OTUD7B: variants seen among roughly 807,000 people sequenced by gnomAD.
OTUD7B encodes OTU domain-containing protein 7B.
OTUD7B carries 34 observed loss-of-function variants against 82.2 expected under a neutral mutation model. The ratio of observed to expected loss-of-function variants is 0.41; its 90% CI spans 0.31 to 0.55. The LOEUF is 0.55. OTUD7B is among the 20% of genes least tolerant of loss of function. OTUD7B has a pLI of 0.20. For missense variants in OTUD7B, 944 were observed against 1,062.1 expected, an observed-to-expected ratio of 0.89 and a Z score of 1.55; for synonymous variants, 398 against 402.7, an observed-to-expected ratio of 0.99 and a Z score of 0.14.
chr1:150,014,056 A>ATGTGTGTG (rs1487824605), upstream of OTUD7B, among the ~76,000 whole-genome samples: 9 of 77,342 alleles, frequency 1.2e-4, no homozygotes, highest in Admixed American at 8.7e-4. Flanking sequence ...GTGTGTATAT[A>ATGTGTGTG]TATGTGTGTG....
At chr1:150,062,012 T>C in the OTUD7B span, among the ~76,000 whole-genome samples, 2 of 152,196 alleles carry the variant, frequency 1.3e-5, no homozygotes, top group Non-Finnish European at 2.9e-5. Context: ...CATATTTCTG[T>C]CTGTACATTC....
At chr1:149,980,899 G>A (rs1328469080) in intron 1 of OTUD7B, among the ~76,000 whole-genome samples, 2 of 151,658 alleles carry the variant, frequency 1.3e-5, no homozygotes, top group Non-Finnish European at 2.9e-5. Context: ...TGTAGTCCCA[G>A]CCACGTGAGT....
At chr1:150,066,381 A>T in the OTUD7B span, among the ~76,000 whole-genome samples, 2 of 152,014 alleles carry the variant, frequency 1.3e-5, no homozygotes, top group Admixed American at 1.3e-4. This position sits in a 1 kb window ranked among gnomAD's most constrained non-coding sequence, Gnocchi z 4.6. Context: ...ACATCTAAAA[A>T]TTAGTAAAAT....
chr1:150,002,914 G>GA (rs1553785209), intron 1 of OTUD7B, among the ~76,000 whole-genome samples: 1 of 152,102 alleles, frequency 6.6e-6, no homozygotes, highest in Non-Finnish European at 1.5e-5. Flanking sequence ...ATCTTTCTAG[G>GA]ATGTGAAACG....
At chr1:150,016,225 GTCA>G in the OTUD7B span, among the ~76,000 whole-genome samples, 1 of 152,046 alleles carries the variant, frequency 6.6e-6, no homozygotes, top group Non-Finnish European at 1.5e-5. Context: ...CGAGTAAAAT[GTCA>G]TCAACAATAC....
At chr1:150,008,179 C>A (rs782670010) in intron 1 of OTUD7B, among the ~76,000 whole-genome samples, 1 of 152,190 alleles carries the variant, frequency 6.6e-6, no homozygotes, top group African/African-American at 2.4e-5. Flanking sequence ...GCTTCTTCAA[C>A]CCCTTTGATC....
intron 7 of OTUD7B, among the ~76,000 whole-genome samples, chr1:149,956,432 G>A (rs1553774577): frequency 6.6e-6 from 1 of 152,104 alleles, no homozygotes; most frequent in Non-Finnish European, 1.5e-5. Flanking sequence ...TTCCCTTTGT[G>A]GGTAACCCGA....
chr1:150,036,952 C>T, the OTUD7B span, among the ~76,000 whole-genome samples: 3 of 152,116 alleles, frequency 2.0e-5, no homozygotes, highest in African/African-American at 7.2e-5. Context: ...AATGTATAAA[C>T]ACTCAGCTGT....
At chr1:150,015,482 T>C (rs1254130841), upstream of OTUD7B, among the ~76,000 whole-genome samples, 1 of 151,624 alleles carries the variant, frequency 6.6e-6, no homozygotes, top group African/African-American at 2.4e-5. Context: ...TTAGTAGAGA[T>C]GTTGGCCAGG....
chr1:149,944,483 C>T lies in OTUD7B; in HGVS notation c.1906G>A (p.Glu636Lys). The change falls in exon 12 of 12, where the codon GAG becomes AAG. Residue 636 changes from glutamate (E) to lysine (K), a missense_variant. By Grantham distance (56) the Glu-to-Lys change is moderately conservative. Around this residue, in one of 3 missense-constraint regions of OTUD7B, gnomAD observed 412 missense variants for 418.7 expected, o/e 0.98. Coordinates refer to ENST00000581312, the MANE Select transcript of OTUD7B (RefSeq NM_020205.4). ...TTCTGTTCTGCCAGGAATCTCTCCT[C>T]AGCATCAGAAAGGTAGCGCTGGATC... ...EMIQRYLSDA[E>K]ERFLAEQKQK... 2 of 1,614,172 alleles carry T rather than the reference C, an allele frequency of 1.2e-6. No homozygotes were observed. The highest frequency in any genetic ancestry group is 1.7e-6 in the Non-Finnish European group (2 of 1,180,024).
chr1:149,995,130 T>A (rs1164600633), intron 1 of OTUD7B, among the ~76,000 whole-genome samples: 2 of 152,328 alleles, frequency 1.3e-5, no homozygotes, highest in East Asian at 3.9e-4. Context: ...TTTTGAAGAT[T>A]TAACGTTTAT....
intron 2 of OTUD7B, among the ~76,000 whole-genome samples, chr1:149,973,024 T>C (rs920265948): frequency 2.0e-5 from 3 of 152,178 alleles, no homozygotes; most frequent in African/African-American, 7.2e-5. Flanking sequence ...ACTCTTCCTC[T>C]TCCCTCACCA....
At chr1:149,982,992 C>T (rs1650879512) in intron 1 of OTUD7B, among the ~76,000 whole-genome samples, 1 of 151,774 alleles carries the variant, frequency 6.6e-6, no homozygotes, top group Non-Finnish European at 1.5e-5. Context: ...GAAGCTGGGA[C>T]TACAGGCGCC....
At chr1:150,022,455 T>C in the OTUD7B span, among the ~76,000 whole-genome samples, 3 of 145,970 alleles carry the variant, frequency 2.1e-5, no homozygotes, top group Non-Finnish European at 4.5e-5. Context: ...AGGCAGCTGA[T>C]CTGGCTGAGA....
rs2092735924 is a variant in OTUD7B, at chr1:149,937,831, G to A, written c.*6026C>T. On this transcript the variant is annotated 3_prime_UTR_variant, in exon 12 of 12. Transcript: ENST00000581312. Reference sequence around the variant, plus strand: ...ACAAAATAAGAGTTAATGAGCTGCTGTTTTATTGCTTTTGAATCTACAGAG... The same window carrying A: ...ACAAAATAAGAGTTAATGAGCTGCTATTTTATTGCTTTTGAATCTACAGAG... 6.6e-6 allele frequency: 1 copy of A among 152,210 alleles called. No individual in the cohort carries two copies. Among genetic ancestry groups the A allele is most frequent in the Non-Finnish European group, 1.5e-5 (1 of 68,032 alleles). 9.4% of individuals were successfully genotyped at this position (152,210 alleles called of 1,614,324 possible).
Position 149,959,805 on chromosome 1 carries a change from A to G in OTUD7B, c.733-9T>C, listed in dbSNP as rs1649005207. 6.4e-7 allele frequency: 1 copy of G among 1,569,572 alleles called. No homozygotes were observed. Among genetic ancestry groups the G allele is most frequent in the African/African-American group, 1.3e-5 (1 of 74,108 alleles). On this transcript the variant is annotated splice_polypyrimidine_tract_variant and intron_variant, in intron 6 of 11. Coordinates refer to ENST00000581312, the MANE Select transcript of OTUD7B (RefSeq NM_020205.4). ...GTGTATACCAGCCCTGACTGTGTGA[A>G]GGACAGGCAGGGGACATTGGGCAAT...
chr1:150,042,614 C>A, the OTUD7B span, among the ~76,000 whole-genome samples: 1 of 152,128 alleles, frequency 6.6e-6, no homozygotes, highest in African/African-American at 2.4e-5. Context: ...GGCTGAGACT[C>A]CCAAGACTGG....
At chr1:150,033,786 A>T in the OTUD7B span, among the ~76,000 whole-genome samples, 1 of 152,286 alleles carries the variant, frequency 6.6e-6, no homozygotes, top group Admixed American at 6.5e-5. Flanking sequence ...TAGTGGCGCG[A>T]ACTTGGCTCA....
the OTUD7B span, among the ~76,000 whole-genome samples, chr1:150,032,485 A>AAAAG: frequency 6.8e-6 from 1 of 146,154 alleles, no homozygotes; most frequent in East Asian, 1.9e-4. Flanking sequence ...AAAAAAAAAA[A>AAAAG]ATAGCCAGGT....
Sources: allele counts gnomAD v4.1 joint callset (sites outside exome capture counted in the v4.1 genomes callset), GRCh38; gene constraint gnomAD v4.1.1; regional missense constraint gnomAD v4.1.1; non-coding constraint Gnocchi (gnomAD v3.1); transcripts MANE v1.5; gene names NCBI Gene and HGNC (gene_info 2026-07-23, HGNC 2026-07-21).